The following PCDHGA12 variants were observed in gnomAD, a reference collection of about 807,000 sequenced individuals.
PCDHGA12 encodes protocadherin gamma subfamily A, 12.
PCDHGA12 carries 43 observed loss-of-function variants against 61.1 expected under a neutral mutation model. That is an observed-to-expected ratio of 0.70 (90% CI 0.55 to 0.91). The LOEUF (loss-of-function observed/expected upper bound fraction) is 0.91, where lower values mean the gene tolerates loss of function less well. PCDHGA12 is among the 40% of genes least tolerant of loss of function. The probability of loss-of-function intolerance (pLI) is 0.00; values close to 1 mark genes in which losing one functional copy is unlikely to be tolerated. For synonymous variants in PCDHGA12, 520 were observed against 542.9 expected (o/e 0.96, Z 0.59); for missense variants, 1,236 against 1,227.7 (o/e 1.01, Z -0.10).
intron 1 of PCDHGA12, among the ~76,000 whole-genome samples, chr5:141,453,850 CT>C (rs1465668273): frequency 1.3e-5 from 2 of 152,148 alleles, no homozygotes; most frequent in Non-Finnish European, 2.9e-5. Context: ...CCACAGAGCA[CT>C]TTGAAAATAA....
Position 141,432,057 on chromosome 5 carries a change from C to G in PCDHGA12, c.1298C>G (p.Ser433Cys). Residue 433 changes from serine (S) to cysteine (C), a missense_variant, in exon 1 of 4, where the codon TCC becomes TGC. Coordinates refer to ENST00000252085, the MANE Select transcript of PCDHGA12 (RefSeq NM_003735.3). This position sits in a 1 kb window ranked among gnomAD's most constrained non-coding sequence, Gnocchi z 6.0. ...TATDRGTPPL[S>C]TETHISLNVA... The stretch of plus-strand genomic sequence containing the variant: ...ACTGACCGGGGAACCCCGCCCCTAT[C>G]CACGGAAACTCATATCTCGCTGAAC... 1 of 1,614,220 alleles carries G rather than the reference C, an allele frequency of 6.2e-7. No homozygotes were observed. The highest frequency in any genetic ancestry group is 8.5e-7 in the Non-Finnish European group (1 of 1,180,042).
intron 1 of PCDHGA12, among the ~76,000 whole-genome samples, chr5:141,453,310 T>C (rs566320120): frequency 6.6e-6 from 1 of 152,044 alleles, no homozygotes; most frequent in South Asian, 2.1e-4. Context: ...TTTATTTATT[T>C]ATTTTAGAGA....
In PCDHGA12 at chr5:141,432,113, T is replaced by G. The variant is rs1174697940; in HGVS notation, c.1354T>G (p.Phe452Val). 1 of 1,614,078 alleles carries G rather than the reference T, an allele frequency of 6.2e-7. No homozygotes were observed. The highest frequency in any genetic ancestry group is 8.5e-7 in the Non-Finnish European group (1 of 1,180,006). Residue 452 changes from phenylalanine (F) to valine (V), a missense_variant, in exon 1 of 4, where the codon TTC (phenylalanine) becomes GTC (valine). Coordinates refer to ENST00000252085, the MANE Select transcript of PCDHGA12 (RefSeq NM_003735.3). The surrounding 1 kb of genome is among the most constrained non-coding windows in gnomAD (Gnocchi z 6.0). Reference protein sequence around the residue: ...VADTNDNPPVFPQASYSAYIP... With the variant: ...VADTNDNPPVVPQASYSAYIP... ...AGACACCAACGACAACCCGCCGGTC[T>G]TCCCTCAGGCCTCCTATTCCGCTTA... is the stretch of plus-strand genomic sequence containing the variant.
chr5:141,459,117 T>A (rs1489347692), intron 1 of PCDHGA12, among the ~76,000 whole-genome samples: 1 of 152,224 alleles, frequency 6.6e-6, no homozygotes, highest in Non-Finnish European at 1.5e-5. Flanking sequence ...GACAATTGTT[T>A]ACATCTGTGT....
Position 141,485,449 on chromosome 5 carries a change from A to G in PCDHGA12, c.2425-9358A>G, listed in dbSNP as rs2099613844. 6.2e-7 allele frequency: 1 copy of G among 1,614,054 alleles called. No homozygotes were observed. The highest frequency in any genetic ancestry group is 2.2e-5 in the East Asian group (1 of 44,876). On this transcript the variant is annotated intron_variant, in intron 1 of 3. Coordinates refer to ENST00000252085, the MANE Select transcript of PCDHGA12 (RefSeq NM_003735.3). The surrounding 1 kb of genome is among the most constrained non-coding windows in gnomAD (Gnocchi z 5.7). ...TGCTCATCAAGAACCCAATCGACCG[A>G]GAGGCACTGTGTGGGCTCAGTGCCA...
Position 141,433,070 on chromosome 5 carries a change from CCCCAG to C in PCDHGA12, c.2316_2320del (p.Pro773LeufsTer12). 1 of 1,614,174 alleles carries C rather than the reference CCCCAG, an allele frequency of 6.2e-7. No individual in the cohort carries two copies. Among genetic ancestry groups the C allele is most frequent in the Non-Finnish European group, 8.5e-7 (1 of 1,180,032 alleles). ...CTCGCGGAAGAGTCACCTGATCTTCCCCCAGCCCAACTATGCAGACATGCTCGTCA... is the reference window on the plus strand; with the variant it reads ...CTCGCGGAAGAGTCACCTGATCTTCCCCCAACTATGCAGACATGCTCGTCA... On this transcript the variant is annotated frameshift_variant, in exon 1 of 4. Coordinates refer to ENST00000252085, the MANE Select transcript of PCDHGA12 (RefSeq NM_003735.3). LOFTEE classifies it high-confidence loss of function.
At chr5:141,481,318 A>C (rs758947998) in intron 1 of PCDHGA12, among the ~76,000 whole-genome samples, 6 of 152,216 alleles carry the variant, frequency 3.9e-5, no homozygotes, top group Non-Finnish European at 8.8e-5. Context: ...TTCCTAAAGC[A>C]CTAGCCCCTG....
chr5:141,511,147 A>T lies in PCDHGA12; in HGVS notation c.2773A>T (p.Lys925Ter). The change falls in exon 4 of 4, where the codon AAG becomes TAG. Residue 925 changes from lysine to a stop codon, truncating the protein, a stop_gained. Coordinates refer to ENST00000252085, the MANE Select transcript of PCDHGA12 (RefSeq NM_003735.3). LOFTEE classifies it high-confidence loss of function. Reference sequence around the variant, plus strand: ...AGCAGGTGGCAATGGCAACAAGAAGAAGTCGGGCAAGAAGGAGAAGAAGTA... The same window carrying T: ...AGCAGGTGGCAATGGCAACAAGAAGTAGTCGGGCAAGAAGGAGAAGAAGTA... The part of the protein sequence containing the change: ...APAGGNGNKK[K>*]SGKKEKK 1 of 1,614,188 alleles carries T rather than the reference A, an allele frequency of 6.2e-7. No homozygotes were observed. Among genetic ancestry groups the T allele is most frequent in the East Asian group, 2.2e-5 (1 of 44,876 alleles).
chr5:141,503,401 C>A (rs987421198), intron 2 of PCDHGA12, among the ~76,000 whole-genome samples: 15 of 151,848 alleles, frequency 9.9e-5, no homozygotes, highest in Non-Finnish European at 1.9e-4. Context: ...TCGAAACCAA[C>A]CTGGCCAATA....
intron 1 of PCDHGA12, among the ~76,000 whole-genome samples, chr5:141,457,656 G>T (rs2098926936): frequency 6.6e-6 from 1 of 152,244 alleles, no homozygotes; most frequent in Non-Finnish European, 1.5e-5. Context: ...ATGAAGTGCA[G>T]CAAGAATGGT....
Position 141,487,665 on chromosome 5 carries a change from G to T in PCDHGA12, c.2425-7142G>T, listed in dbSNP as rs373971935. 8.7e-5 allele frequency: 141 copies of T among 1,612,724 alleles called. No individual in the cohort carries two copies. The highest frequency in any genetic ancestry group is 1.1e-4 in the Non-Finnish European group (135 of 1,179,392). On this transcript the variant is annotated intron_variant, in intron 1 of 3. Coordinates refer to ENST00000252085, the MANE Select transcript of PCDHGA12 (RefSeq NM_003735.3). The surrounding 1 kb of genome is among the most constrained non-coding windows in gnomAD (Gnocchi z 5.0). ...ATGCTTGAGGGTTATTCTGATCCAG[G>T]CATATGGCTAGGCCATGTCCTAGAG...
intron 1 of PCDHGA12, among the ~76,000 whole-genome samples, chr5:141,444,152 ATTTTTTTTTTTTTTT>A (rs747671382): frequency 3.8e-4 from 13 of 33,894 alleles, no homozygotes; most frequent in East Asian, 1.0e-3. Context: ...TGTGTACTGG[ATTTTTTTTTTTTTTT>A]TTTTTTTTTT....
chr5:141,433,106 G>C lies in PCDHGA12; in HGVS notation c.2347G>C (p.Glu783Gln). ...CTATGCAGACATGCTCGTCAGCCAG[G>C]AGAGCTTTGAAAAAAGCGAGCCCCT... ...PNYADMLVSQ[E>Q]SFEKSEPLLL... Residue 783 changes from glutamate to glutamine, a missense_variant, in exon 1 of 4, where the codon GAG (glutamate) becomes CAG (glutamine). Transcript: ENST00000252085. 1 of 1,614,170 alleles carries C rather than the reference G, an allele frequency of 6.2e-7. No homozygotes were observed. Among genetic ancestry groups the C allele is most frequent in the Non-Finnish European group, 8.5e-7 (1 of 1,180,036 alleles).
rs1243232069 is a variant in PCDHGA12 at position 141,490,842 on chromosome 5, G to A, written c.2425-3965G>A. Reference sequence around the variant, plus strand: ...TGCTGCAGATGCTGCAGATTGTGGTGGGGGTTCGAGACTCCGGCTCTCCCC... The same window carrying A: ...TGCTGCAGATGCTGCAGATTGTGGTAGGGGTTCGAGACTCCGGCTCTCCCC... On this transcript the variant is annotated intron_variant, in intron 1 of 3. Transcript: ENST00000252085. The surrounding 1 kb of genome is among the most constrained non-coding windows in gnomAD (Gnocchi z 5.4). 4.3e-6 allele frequency: 7 copies of A among 1,613,844 alleles called. No homozygotes were observed. In the South Asian group the frequency reaches 6.6e-5, roughly 15 times the overall value.
At chr5:141,497,839 A>G (rs1399696596) in intron 2 of PCDHGA12, among the ~76,000 whole-genome samples, 1 of 152,044 alleles carries the variant, frequency 6.6e-6, no homozygotes, top group East Asian at 1.9e-4. Flanking sequence ...CCCGGCCACA[A>G]CAAACATTTT....
intron 1 of PCDHGA12, among the ~76,000 whole-genome samples, chr5:141,443,297 A>G (rs1208893030): frequency 6.7e-6 from 1 of 148,196 alleles, no homozygotes; most frequent in East Asian, 2.0e-4. Context: ...CCTGGACAGC[A>G]TGGCAAAAAC....
rs772195653 is a variant in PCDHGA12 at position 141,477,704 on chromosome 5, C to A, written c.2425-17103C>A. On this transcript the variant is annotated intron_variant, in intron 1 of 3. Transcript: ENST00000252085. The surrounding 1 kb of genome is among the most constrained non-coding windows in gnomAD (Gnocchi z 4.9). ...CTTAGTGCCCCTAGACTATGAGGAT[C>A]GGCGGGAATTTGAATTAACAGCTCA... The A allele has an allele frequency of 5.0e-6, 8 of 1,613,850 alleles. No individual in the cohort carries two copies. Among genetic ancestry groups the A allele is most frequent in the Non-Finnish European group, 5.9e-6 (7 of 1,180,046 alleles).
Position 141,490,931 on chromosome 5 carries a change from T to C in PCDHGA12, c.2425-3876T>C. 1 of 1,613,780 alleles carries C rather than the reference T, an allele frequency of 6.2e-7. No individual in the cohort carries two copies. Among genetic ancestry groups the C allele is most frequent in the East Asian group, 2.2e-5 (1 of 44,872 alleles). ...GACGAGAATGATAATGCCCCAGCTG[T>C]GCTGCACCCACGGCCAGACTGGGAA... On this transcript the variant is annotated intron_variant, in intron 1 of 3. Transcript: ENST00000252085. This position sits in a 1 kb window ranked among gnomAD's most constrained non-coding sequence, Gnocchi z 5.4.
chr5:141,441,631 C>A, intron 1 of PCDHGA12: 2 of 226,308 alleles, frequency 8.8e-6, no homozygotes, highest in Non-Finnish European at 1.8e-5. Context: ...GACCTGGAGC[C>A]ACAGGCGCTG....
Sources: gnomAD v4.1 joint callset for allele counts (sites outside exome capture counted in the v4.1 genomes callset) on GRCh38, gnomAD v4.1.1 for gene constraint, Gnocchi (gnomAD v3.1) non-coding constraint, MANE v1.5 for transcripts, NCBI Gene and HGNC (gene_info 2026-07-23, HGNC 2026-07-21) for gene names.